CEP120: variants seen among roughly 807,000 people sequenced by gnomAD.
CEP120 encodes the protein centrosomal protein 120.
Under a neutral mutation model 126.5 loss-of-function variants are expected in CEP120, and 113 were observed. That is an observed-to-expected ratio of 0.89 (90% CI 0.77 to 1.04). The LOEUF (loss-of-function observed/expected upper bound fraction) is 1.04. Ranked by LOEUF, CEP120 falls within the 50% of genes least tolerant of loss-of-function variation. CEP120 has a pLI of 0.00. For synonymous variants in CEP120, 400 were observed against 394.3 expected, an observed-to-expected ratio of 1.01 and a Z score of -0.17; for missense variants, 1,230 against 1,155.7, an observed-to-expected ratio of 1.06 and a Z score of -0.93.
intron 14 of CEP120, 86 bp downstream of exon 14, chr5:123,382,025 C>T (rs930612569): frequency 2.2e-6 from 2 of 898,640 alleles, no homozygotes; most frequent in East Asian, 2.6e-5. Context: ...ATTAGTTATT[C>T]CTTCCAGAGA....
chr5:123,358,900 A>G (rs548104872), intron 18 of CEP120, among the ~76,000 whole-genome samples: 52 of 152,158 alleles, frequency 3.4e-4, no homozygotes, highest in African/African-American at 1.1e-3. Flanking sequence ...CACACATACC[A>G]TGTAAGTCTG....
chr5:123,382,938 C>G (rs755702846), intron 12 of CEP120, 48 bp downstream of exon 12: 24 of 1,603,574 alleles, frequency 1.5e-5, no homozygotes, highest in Non-Finnish European at 2.0e-5. Flanking sequence ...CACATATGCA[C>G]ATTAGATTCC....
At chr5:123,355,056 A>G (rs1265361783) in intron 18 of CEP120, among the ~76,000 whole-genome samples, 2 of 151,624 alleles carry the variant, frequency 1.3e-5, no homozygotes, top group Non-Finnish European at 2.9e-5. Flanking sequence ...TGTCCTTGCA[A>G]TAGTTTGCTG....
At position 123,393,522 on chromosome 5, in the gene CEP120, C is replaced by T. The variant is rs200655928; in HGVS notation, c.613-25G>A. The T allele has an allele frequency of 7.0e-6, 11 of 1,580,142 alleles. No individual in the cohort carries two copies. The Admixed American group carries it at 1.0e-4, about 14-fold the overall frequency. The stretch of plus-strand genomic sequence containing the variant: ...ACTAAACATTTCAGGAAAAAGAAAA[C>T]AGTTATTACTTTCTAAACTACTGAA... On this transcript the variant is annotated intron_variant, in intron 5 of 19. Coordinates refer to ENST00000306467, the MANE Select transcript of CEP120 (RefSeq NM_001375405.1).
At chr5:123,418,127 A>C (rs1253878753) in intron 2 of CEP120, among the ~76,000 whole-genome samples, 1 of 152,218 alleles carries the variant, frequency 6.6e-6, no homozygotes, top group Non-Finnish European at 1.5e-5. Context: ...ATTTTATGAA[A>C]ATTTATTTAA....
In CEP120 at chr5:123,362,372, A is replaced by C. The variant is rs958853743; in HGVS notation, c.2580+2124T>G. Among the ~76,000 whole-genome samples the C allele has an allele frequency of 2.0e-5, 3 of 151,878 alleles. No homozygotes were observed. The East Asian group carries it at 5.8e-4, about 29-fold the overall frequency. On this transcript the variant is annotated intron_variant, in intron 18 of 19. Coordinates refer to ENST00000306467, the MANE Select transcript of CEP120 (RefSeq NM_001375405.1). ...TTCAATGGACTAAGACCATATCATAAAAGGGAAAGAGCCTGAGGCTGGATT... is the reference window on the plus strand; with the variant it reads ...TTCAATGGACTAAGACCATATCATACAAGGGAAAGAGCCTGAGGCTGGATT...
intron 9 of CEP120, 83 bp from the exon 10 acceptor site, chr5:123,386,750 G>T (rs1316825887): frequency 9.5e-7 from 1 of 1,047,320 alleles, no homozygotes; most frequent in Non-Finnish European, 1.3e-6. Flanking sequence ...TTAGAAAAAA[G>T]TATAATATGA....
intron 15 of CEP120, 90 bp from the exon 16 acceptor site, chr5:123,377,625 T>A: frequency 1.0e-6 from 1 of 956,932 alleles, no homozygotes; most frequent in Non-Finnish European, 1.5e-6. Context: ...CACTCAAATG[T>A]TGAGGATATT....
upstream of CEP120, chr5:123,423,407 T>C (rs1182851145): frequency 4.1e-6 from 1 of 243,468 alleles, no homozygotes; most frequent in African/African-American, 2.3e-5. Context: ...GGACAACGGG[T>C]GATAGAGACA....
At chr5:123,400,548 CAAT>C (rs1288473549) in intron 4 of CEP120, among the ~76,000 whole-genome samples, 1 of 150,796 alleles carries the variant, frequency 6.6e-6, no homozygotes, top group Non-Finnish European at 1.5e-5. Context: ...TCTGAATTGA[CAAT>C]ATATATACTG....
At chr5:123,370,685 G>GTA (rs71223059) in intron 17 of CEP120, among the ~76,000 whole-genome samples, 94,259 of 145,938 alleles carry the variant, frequency 0.65, 30,788 homozygotes, top group Non-Finnish European at 0.7. Flanking sequence ...GTGTGTGTGT[G>GTA]TATATATATA....
rs1771377894 is a variant in CEP120 at position 123,378,232 on chromosome 5, C to G, written c.2196+104G>C. 3 of 765,220 alleles carry G rather than the reference C, an allele frequency of 3.9e-6. No individual in the cohort carries two copies. The South Asian group carries it at 6.7e-5, about 17-fold the overall frequency. The allele number at this position is 765,220 out of a possible 1,614,324, so 47.4% of individuals were successfully genotyped here. ...TCTTATAAGCAGCCCATCCTGAGTCCCTTCTCTCTCGGGACTCTTTTGCAT... is the reference window on the plus strand; with the variant it reads ...TCTTATAAGCAGCCCATCCTGAGTCGCTTCTCTCTCGGGACTCTTTTGCAT... On this transcript the variant is annotated intron_variant, in intron 15 of 19. Coordinates refer to ENST00000306467, the MANE Select transcript of CEP120 (RefSeq NM_001375405.1).
chr5:123,362,955 G>T (rs1217914899), intron 18 of CEP120, among the ~76,000 whole-genome samples: 1 of 151,444 alleles, frequency 6.6e-6, no homozygotes, highest in Non-Finnish European at 1.5e-5. Flanking sequence ...TCCAAAACTG[G>T]ACCAGACACT....
At chr5:123,369,472 C>T in intron 17 of CEP120, among the ~76,000 whole-genome samples, 1 of 151,978 alleles carries the variant, frequency 6.6e-6, no homozygotes, top group South Asian at 2.1e-4. Context: ...AACCTAAACT[C>T]CTTGTCATGG....
rs112271669 is a variant in CEP120 at position 123,346,272 on chromosome 5, A to T, written c.*247T>A. 1,105 of 383,468 alleles carry T rather than the reference A, an allele frequency of 2.9e-3. 9 individuals carry two copies. Among genetic ancestry groups the T allele is most frequent in the African/African-American group, 0.021 (991 of 47,988 alleles). 23.8% of individuals were successfully genotyped at this position (383,468 alleles called of 1,614,324 possible). Reference sequence around the variant, plus strand: ...GAAAGTTAGTTAGCCATCAGATTATAAACTATGAAAAACACTGAAAAGTCA... The same window carrying T: ...GAAAGTTAGTTAGCCATCAGATTATTAACTATGAAAAACACTGAAAAGTCA... On this transcript the variant is annotated 3_prime_UTR_variant, in exon 20 of 20. Coordinates refer to ENST00000306467, the MANE Select transcript of CEP120 (RefSeq NM_001375405.1).
chr5:123,368,760 T>C (rs1473964557), intron 17 of CEP120, among the ~76,000 whole-genome samples: 1 of 151,958 alleles, frequency 6.6e-6, no homozygotes, highest in Non-Finnish European at 1.5e-5. Context: ...TCCACTTTCA[T>C]GCTTCTATAA....
At chr5:123,384,872 G>A in intron 11 of CEP120, 79 bp downstream of exon 11, 2 of 1,226,368 alleles carry the variant, frequency 1.6e-6, no homozygotes, top group Non-Finnish European at 2.3e-6. Context: ...TTATGGAAGG[G>A]TGAAGTGGTG....
Position 123,386,670 on chromosome 5 carries a change from A to G in CEP120, c.1431-3T>C. The G allele has an allele frequency of 1.1e-6, 1 of 879,788 alleles. No homozygotes were observed. The highest frequency in any genetic ancestry group is 1.5e-6 in the Non-Finnish European group (1 of 652,836). 54.5% of individuals were successfully genotyped at this position (879,788 alleles called of 1,614,324 possible). On this transcript the variant is annotated splice_region_variant and splice_polypyrimidine_tract_variant and intron_variant, in intron 9 of 19. Transcript: ENST00000306467. ...TTCCAAAGAATGGATATGAGTACCTAGAATTTAAAAAAAAAAAAAAAAAAA... is the reference window on the plus strand; with the variant it reads ...TTCCAAAGAATGGATATGAGTACCTGGAATTTAAAAAAAAAAAAAAAAAAA...
intron 1 of CEP120, among the ~76,000 whole-genome samples, chr5:123,419,553 C>CAAAAAAAAA (rs566909063): frequency 3.7e-5 from 5 of 135,256 alleles, no homozygotes; most frequent in Non-Finnish European, 4.8e-5. Context: ...AAAACAAAAA[C>CAAAAAAAAA]AAAAAAAAAA....
Sources: gnomAD v4.1 joint callset for allele counts (sites outside exome capture counted in the v4.1 genomes callset) on GRCh38, gnomAD v4.1.1 for gene constraint, MANE v1.5 for transcripts, NCBI Gene and HGNC (gene_info 2026-07-23, HGNC 2026-07-21) for gene names.